The following CNIH3 variants were observed in gnomAD, a reference collection of about 807,000 sequenced individuals.
CNIH3 encodes the protein protein cornichon homolog 3.
In CNIH3, 14 loss-of-function variants were observed where a neutral mutation model predicts 24.1. The observed-to-expected ratio is 0.58, with a 90% confidence interval of 0.38 to 0.91. The LOEUF (loss-of-function observed/expected upper bound fraction) is 0.91, where lower values mean the gene tolerates loss of function less well. Among genes scored for constraint, CNIH3 ranks in the 40% least tolerant of loss-of-function variants. The pLI is 0.00. For synonymous variants in CNIH3, 68 were observed against 73.8 expected, an observed-to-expected ratio of 0.92 and a Z score of 0.40; for missense variants, 178 against 196.8, an observed-to-expected ratio of 0.90 and a Z score of 0.57.
At chr1:224,483,667 G>A (rs1246443959) in intron 1 of CNIH3, among the ~76,000 whole-genome samples, 1 of 151,898 alleles carries the variant, frequency 6.6e-6, no homozygotes, top group East Asian at 1.9e-4. Flanking sequence ...CAAAGTTCTG[G>A]GATTACAGGT....
At chr1:224,522,893 C>T (rs891125261) in intron 2 of CNIH3, among the ~76,000 whole-genome samples, 2 of 152,140 alleles carry the variant, frequency 1.3e-5, no homozygotes, top group East Asian at 3.9e-4. Context: ...TACTACAAAG[C>T]AATTCCACTC....
At chr1:224,655,595 T>C (rs943985690) in intron 1 of CNIH3, among the ~76,000 whole-genome samples, 5 of 152,220 alleles carry the variant, frequency 3.3e-5, no homozygotes, top group East Asian at 1.9e-4. Context: ...CATGGAACAC[T>C]AGGCCTTTCC....
At chr1:224,485,944 C>T (rs1278146794) in intron 1 of CNIH3, among the ~76,000 whole-genome samples, 1 of 152,120 alleles carries the variant, frequency 6.6e-6, no homozygotes, top group Non-Finnish European at 1.5e-5. Context: ...AGAAATCATG[C>T]AGTAGGGAAT....
chr1:224,659,316 C>G (rs1646545863), intron 1 of CNIH3, among the ~76,000 whole-genome samples: 1 of 152,184 alleles, frequency 6.6e-6, no homozygotes, highest in Non-Finnish European at 1.5e-5. Context: ...AAAAGCAATA[C>G]AGAAAGTTAC....
chr1:224,683,811 CT>C (rs1305784754), intron 2 of CNIH3, among the ~76,000 whole-genome samples: 2 of 152,218 alleles, frequency 1.3e-5, no homozygotes, highest in African/African-American at 4.8e-5. Context: ...GTAGCATTCC[CT>C]TTCGTGCGTG....
chr1:224,466,479 A>G (rs1253046164), intron 1 of CNIH3, among the ~76,000 whole-genome samples: 2 of 152,288 alleles, frequency 1.3e-5, no homozygotes, highest in African/African-American at 4.8e-5. Context: ...TGGATGTACT[A>G]CAGTTTCTTC....
chr1:224,641,223 C>T (rs529202983), intron 1 of CNIH3, among the ~76,000 whole-genome samples: 17 of 152,288 alleles, frequency 1.1e-4, no homozygotes, highest in South Asian at 2.1e-4. Flanking sequence ...TGCTGTACAG[C>T]AAGAGGTTTA....
Position 224,704,803 on chromosome 1 carries a change from G to A in CNIH3, c.198+19960G>A, listed in dbSNP as rs938120539. ...TTGTTGTTGTTGCTTTTTAAATTCA[G>A]GATCCAATCAAAAATCACACATTGC... On this transcript the variant is annotated intron_variant, in intron 3 of 5. Coordinates refer to ENST00000272133, the MANE Select transcript of CNIH3 (RefSeq NM_152495.2). This position sits in a 1 kb window ranked among gnomAD's most constrained non-coding sequence, Gnocchi z 4.2. 6.6e-6 allele frequency among the ~76,000 whole-genome samples: 1 copy of A among 151,984 alleles called. No individual in the cohort carries two copies. The highest frequency in any genetic ancestry group is 2.4e-5 in the African/African-American group (1 of 41,370).
chr1:224,609,175 T>C (rs956980641), intron 3 of CNIH3, among the ~76,000 whole-genome samples: 2 of 152,092 alleles, frequency 1.3e-5, no homozygotes, highest in African/African-American at 4.8e-5. Flanking sequence ...CACTGAGGGG[T>C]GAGAAAATCT....
At position 224,597,224 on chromosome 1, in the gene CNIH3, C is replaced by G. The variant is rs78589421; in HGVS notation, n.402+30960C>G. Among the ~76,000 whole-genome samples, 1,263 of 152,076 alleles carry G rather than the reference C, an allele frequency of 8.3e-3. 21 individuals are homozygous for G. Among genetic ancestry groups the G allele is most frequent in the African/African-American group, 0.029 (1,205 of 41,504 alleles). On this transcript the variant is annotated intron_variant and non_coding_transcript_variant, in intron 3 of 7. Coordinates refer to the CNIH3 transcript ENST00000478120. ...AAACAAAACAAAACAGAATCTCTAACTGACCTTCTTCTCTCCTTTCACCTG... is the reference window on the plus strand; with the variant it reads ...AAACAAAACAAAACAGAATCTCTAAGTGACCTTCTTCTCTCCTTTCACCTG...
chr1:224,485,994 G>A (rs1447685827), intron 1 of CNIH3, among the ~76,000 whole-genome samples: 2 of 152,014 alleles, frequency 1.3e-5, no homozygotes, highest in Admixed American at 6.5e-5. Context: ...TGGAAGGGAC[G>A]CTTTCCCTTT....
At chr1:224,521,831 T>C (rs1462662475) in intron 2 of CNIH3, among the ~76,000 whole-genome samples, 1 of 152,170 alleles carries the variant, frequency 6.6e-6, no homozygotes, top group Non-Finnish European at 1.5e-5. Flanking sequence ...AATAAATCTT[T>C]CCCTCATCCC....
chr1:224,516,968 A>G (rs1678415120), intron 1 of CNIH3, among the ~76,000 whole-genome samples: 1 of 152,128 alleles, frequency 6.6e-6, no homozygotes, highest in African/African-American at 2.4e-5. Flanking sequence ...TTTCAGTGAC[A>G]GGGAAATTAA....
At chr1:224,459,409 T>A (rs1217182994) in intron 1 of CNIH3, among the ~76,000 whole-genome samples, 1 of 152,212 alleles carries the variant, frequency 6.6e-6, no homozygotes, top group Non-Finnish European at 1.5e-5. Context: ...ACAGATAACG[T>A]GACCCTCAGC....
chr1:224,467,229 C>A (rs1277624802), intron 1 of CNIH3, among the ~76,000 whole-genome samples: 3 of 152,092 alleles, frequency 2.0e-5, no homozygotes, highest in African/African-American at 7.2e-5. Flanking sequence ...TCTTGAACTG[C>A]TGGAAATGTT....
At chr1:224,531,743 G>A (rs1338092326) in intron 2 of CNIH3, among the ~76,000 whole-genome samples, 1 of 152,200 alleles carries the variant, frequency 6.6e-6, no homozygotes, top group Non-Finnish European at 1.5e-5. Context: ...GTGAGTTCTG[G>A]ACCCATCTGT....
In CNIH3 at chr1:224,645,656, A is replaced by G. The variant is rs535305407; in HGVS notation, c.81+28401A>G. ...CAGGCTCAGCCCGGAAGGCTGTGCTATGGCAGCAGGTGCAGCACTCATTGT... is the reference window on the plus strand; with the variant it reads ...CAGGCTCAGCCCGGAAGGCTGTGCTGTGGCAGCAGGTGCAGCACTCATTGT... On this transcript the variant is annotated intron_variant, in intron 1 of 5. Transcript: ENST00000272133. 5.3e-5 allele frequency among the ~76,000 whole-genome samples: 8 copies of G among 152,352 alleles called. No individual in the cohort carries two copies. The South Asian group carries it at 1.2e-3, about 24-fold the overall frequency.
intron 1 of CNIH3, among the ~76,000 whole-genome samples, chr1:224,508,907 G>A (rs991673233): frequency 2.0e-5 from 3 of 152,220 alleles, no homozygotes; most frequent in African/African-American, 7.2e-5. Context: ...TTATTCTAAA[G>A]TAGTTTAGGG....
chr1:224,722,017 C>T (rs1376346896), intron 3 of CNIH3, among the ~76,000 whole-genome samples: 3 of 151,458 alleles, frequency 2.0e-5, no homozygotes, highest in Non-Finnish European at 4.4e-5. Context: ...CCTTTGACTG[C>T]AAATGCCGGT....
Sources: gnomAD v4.1 joint callset for allele counts (sites outside exome capture counted in the v4.1 genomes callset) on GRCh38, gnomAD v4.1.1 for gene constraint, Gnocchi (gnomAD v3.1) non-coding constraint, MANE v1.5 for transcripts, NCBI Gene and HGNC (gene_info 2026-07-23, HGNC 2026-07-21) for gene names.